Variants in RBFOX1 observed in about 807,000 individuals in gnomAD.
RBFOX1 encodes RNA binding fox-1 homolog 1.
A neutral mutation model predicts 57.7 loss-of-function variants in RBFOX1; 8 were observed. The ratio of observed to expected loss-of-function variants is 0.14; its 90% CI spans 0.08 to 0.25. The LOEUF (loss-of-function observed/expected upper bound fraction) is 0.25, where lower values mean the gene tolerates loss of function less well. Ranked by LOEUF, RBFOX1 falls within the 10% of genes least tolerant of loss-of-function variation. RBFOX1 has a pLI of 1.00. For missense variants in RBFOX1, 611 were observed against 548.5 expected (o/e 1.11, Z -1.14); for synonymous variants, 326 against 222.4 (o/e 1.47, Z -4.15).
At chr16:5,360,696 G>T (rs182789224) in intron 1 of RBFOX1, among the ~76,000 whole-genome samples, 1 of 152,342 alleles carries the variant, frequency 6.6e-6, no homozygotes, top group East Asian at 1.9e-4. Context: ...AGGACGTAGG[G>T]AAACTGGCAG....
chr16:6,121,603 C>T (rs1428135193), intron 1 of RBFOX1, among the ~76,000 whole-genome samples: 1 of 152,134 alleles, frequency 6.6e-6, no homozygotes, highest in Non-Finnish European at 1.5e-5. Context: ...AGGGAGCATT[C>T]CTGCTCATCC....
chr16:7,437,233 A>G (rs576483358), intron 4 of RBFOX1, among the ~76,000 whole-genome samples: 2 of 143,246 alleles, frequency 1.4e-5, no homozygotes, highest in African/African-American at 5.0e-5. Flanking sequence ...CAACTGTGCT[A>G]GAATTAAATT....
intron 4 of RBFOX1, among the ~76,000 whole-genome samples, chr16:7,116,489 C>G (rs2065928946): frequency 6.6e-6 from 1 of 152,278 alleles, no homozygotes; most frequent in Middle Eastern, 3.4e-3. Flanking sequence ...TGAGGCCTCA[C>G]TTCACAAGTA....
At chr16:5,415,172 G>T (rs1277741643) in intron 1 of RBFOX1, among the ~76,000 whole-genome samples, 1 of 152,182 alleles carries the variant, frequency 6.6e-6, no homozygotes, top group East Asian at 1.9e-4. Flanking sequence ...ATAAGCAAAA[G>T]AGGTTTAATT....
intron 3 of RBFOX1, among the ~76,000 whole-genome samples, chr16:6,743,296 T>C (rs2072741754): frequency 6.6e-6 from 1 of 152,130 alleles, no homozygotes; most frequent in African/African-American, 2.4e-5. Context: ...GAAAAACCAA[T>C]AGGTTATAGG....
intron 4 of RBFOX1, among the ~76,000 whole-genome samples, chr16:7,280,506 C>A (rs1000694133): frequency 6.6e-6 from 1 of 152,124 alleles, no homozygotes. Context: ...GCCATTAGGT[C>A]CTGTGACAGG....
At chr16:5,498,402 C>G (rs1353547164) in intron 2 of RBFOX1, among the ~76,000 whole-genome samples, 1 of 152,160 alleles carries the variant, frequency 6.6e-6, no homozygotes, top group African/African-American at 2.4e-5. Flanking sequence ...CCTCAGCCTC[C>G]CAAAGTGCTG....
chr16:5,828,568 G>T (rs1340260452), intron 3 of RBFOX1, among the ~76,000 whole-genome samples: 1 of 152,050 alleles, frequency 6.6e-6, no homozygotes, highest in African/African-American at 2.4e-5. Context: ...GCGTGGTGGT[G>T]CACGCCTGTA....
chr16:7,035,992 A>G (rs1257477173), intron 3 of RBFOX1, among the ~76,000 whole-genome samples: 1 of 152,188 alleles, frequency 6.6e-6, no homozygotes, highest in Non-Finnish European at 1.5e-5. Flanking sequence ...CAAGTTTCTC[A>G]AGCTACAGAA....
intron 3 of RBFOX1, among the ~76,000 whole-genome samples, chr16:6,994,737 T>C (rs982166748): frequency 3.9e-5 from 6 of 152,222 alleles, no homozygotes; most frequent in Non-Finnish European, 8.8e-5. Context: ...TCCACAGCTT[T>C]TTCTGAAATG....
At chr16:7,582,937 C>T (rs559557190) in intron 6 of RBFOX1, among the ~76,000 whole-genome samples, 4 of 152,304 alleles carry the variant, frequency 2.6e-5, no homozygotes, top group African/African-American at 7.2e-5. Flanking sequence ...ATTACAACGT[C>T]TGTAACCACT....
At chr16:5,912,693 A>G (rs2058628970) in intron 4 of RBFOX1, among the ~76,000 whole-genome samples, 1 of 152,226 alleles carries the variant, frequency 6.6e-6, no homozygotes, top group African/African-American at 2.4e-5. Flanking sequence ...TAATTTAAGC[A>G]TGACTCTTGG....
chr16:6,995,380 G>A (rs2092103650), intron 3 of RBFOX1, among the ~76,000 whole-genome samples: 3 of 151,462 alleles, frequency 2.0e-5, no homozygotes, highest in Middle Eastern at 3.4e-3. Context: ...GGAGGGGGAT[G>A]GATTTTTCAC....
At chr16:5,683,525 A>G (rs1316363390) in intron 3 of RBFOX1, among the ~76,000 whole-genome samples, 1 of 152,024 alleles carries the variant, frequency 6.6e-6, no homozygotes, top group Non-Finnish European at 1.5e-5. Flanking sequence ...TCCAGTGCAT[A>G]TAAAGCAGGC....
intron 3 of RBFOX1, among the ~76,000 whole-genome samples, chr16:6,785,340 A>C (rs561428393): frequency 1.5e-3 from 226 of 152,276 alleles, no homozygotes; most frequent in Non-Finnish European, 2.3e-3. Flanking sequence ...GTGGTTCAGC[A>C]AATTTCCCAG....
At chr16:5,958,202 G>A (rs2059684117) in intron 4 of RBFOX1, among the ~76,000 whole-genome samples, 1 of 152,208 alleles carries the variant, frequency 6.6e-6, no homozygotes, top group Non-Finnish European at 1.5e-5. Context: ...TCAAAGGGGT[G>A]CTATAAATGT....
At chr16:5,715,950 C>T (rs1385661415) in intron 3 of RBFOX1, among the ~76,000 whole-genome samples, 1 of 152,184 alleles carries the variant, frequency 6.6e-6, no homozygotes, top group Non-Finnish European at 1.5e-5. Flanking sequence ...TTGTCTAATT[C>T]TTCACAGTTT....
intron 2 of RBFOX1, among the ~76,000 whole-genome samples, chr16:5,508,480 A>G (rs924522969): frequency 3.3e-5 from 5 of 152,220 alleles, no homozygotes; most frequent in African/African-American, 9.6e-5. Context: ...TGTTCTATTC[A>G]TTAAAAACAA....
At chr16:6,337,414 C>A (rs939069835) in intron 2 of RBFOX1, among the ~76,000 whole-genome samples, 5 of 152,142 alleles carry the variant, frequency 3.3e-5, no homozygotes, top group African/African-American at 1.2e-4. Flanking sequence ...ATAACCCAAA[C>A]CAGAACAAAC....
Sources: gnomAD v4.1 joint callset for allele counts (sites outside exome capture counted in the v4.1 genomes callset) on GRCh38, gnomAD v4.1.1 for gene constraint, MANE v1.5 for transcripts, NCBI Gene and HGNC (gene_info 2026-07-23, HGNC 2026-07-21) for gene names.